Variants in CDK11A observed in about 807,000 individuals in gnomAD.
CDK11A encodes cyclin dependent kinase 11A, also known as cyclin-dependent kinase 11A.
Under a neutral mutation model 83.6 loss-of-function variants are expected in CDK11A, and 55 were observed. The ratio of observed to expected loss-of-function variants is 0.66; its 90% CI spans 0.53 to 0.82. CDK11A has a LOEUF of 0.82. CDK11A is among the 40% of genes least tolerant of loss of function. CDK11A has a pLI of 0.00. For missense variants in CDK11A, 564 were observed against 810.1 expected, an observed-to-expected ratio of 0.70 and a Z score of 3.69; for synonymous variants, 247 against 302.7, an observed-to-expected ratio of 0.82 and a Z score of 1.91.
At position 1,721,503 on chromosome 1, in the gene CDK11A, C is replaced by T. The variant is rs1471650085; in HGVS notation, c.227+93G>A. 9 of 1,422,912 alleles carry T rather than the reference C, an allele frequency of 6.3e-6. 1 individual carries two copies. Among genetic ancestry groups the T allele is most frequent in the African/African-American group, 1.4e-5 (1 of 71,240 alleles). The allele number at this position is 1,422,912 out of a possible 1,614,324, so 88.1% of individuals were successfully genotyped here. A position where few individuals can be genotyped will look rare whatever the true frequency, so the allele number is the denominator to read the frequency against. ...AGGAAAGAGTAAACCTTAATAGTTA[C>T]AATAGCACACAGTTGTCACAGTGAC... is the stretch of plus-strand genomic sequence containing the variant. On this transcript the variant is annotated intron_variant, in intron 3 of 19. Coordinates refer to ENST00000404249, the MANE Select transcript of CDK11A (RefSeq NM_024011.4).
chr1:1,720,826 G>T (rs111797652), intron 3 of CDK11A, among the ~76,000 whole-genome samples: 2 of 151,142 alleles, frequency 1.3e-5, no homozygotes, highest in Non-Finnish European at 3.0e-5. Context: ...TGAGTAGCTG[G>T]GACTACAGGT....
At chr1:1,706,517 C>T (rs1570382081) in intron 11 of CDK11A, among the ~76,000 whole-genome samples, 1 of 151,454 alleles carries the variant, frequency 6.6e-6, no homozygotes, top group Admixed American at 6.6e-5. Context: ...CCACTCCACT[C>T]CAGCCTGGAT....
At chr1:1,704,404 T>G (rs1570371836) in intron 14 of CDK11A, 60 bp from the exon 15 acceptor site, 1 of 1,594,502 alleles carries the variant, frequency 6.3e-7, no homozygotes, top group East Asian at 2.3e-5. Flanking sequence ...GCACTCAGGG[T>G]GGCCCGCTCG....
At position 1,707,487 on chromosome 1, in the gene CDK11A, G is replaced by A. The variant is rs534390289; in HGVS notation, c.1167C>T (p.Gly389=). 55 of 1,606,126 alleles carry A rather than the reference G, an allele frequency of 3.4e-5. 2 individuals carry two copies. The highest frequency in any genetic ancestry group is 1.3e-4 in the South Asian group (12 of 90,484). The change falls in exon 11 of 20, where the codon GGC becomes GGT. Residue 389 remains glycine, a synonymous_variant. Coordinates refer to ENST00000404249, the MANE Select transcript of CDK11A (RefSeq NM_024011.4). ...GTPQSSALTE[G]DYVPDSPALL... ...GGGCAGGGGAGTCGGGCACATAGTCGCCCTCTGTCAGGGCGCTGCTCTGCG... is the reference window on the plus strand; with the variant it reads ...GGGCAGGGGAGTCGGGCACATAGTCACCCTCTGTCAGGGCGCTGCTCTGCG...
chr1:1,706,739 C>T (rs1244409345), intron 11 of CDK11A, among the ~76,000 whole-genome samples: 4 of 151,106 alleles, frequency 2.6e-5, no homozygotes, highest in African/African-American at 4.9e-5. Flanking sequence ...GCCTGTGGCC[C>T]GACGCCTACG....
chr1:1,704,209 G>A lies in CDK11A; in HGVS notation c.1686+14C>T, dbSNP rs777822719. On this transcript the variant is annotated intron_variant, in intron 15 of 19. Coordinates refer to ENST00000404249, the MANE Select transcript of CDK11A (RefSeq NM_024011.4). ...CGGGTCACCCTGGGATGGGCCACTC[G>A]GAGGGGGGCTCACCTTGAGGATGCC... 16 of 1,608,224 alleles carry A rather than the reference G, an allele frequency of 9.9e-6. No homozygotes were observed. Among genetic ancestry groups the A allele is most frequent in the Middle Eastern group, 3.8e-4 (2 of 5,302 alleles).
Position 1,706,619 on chromosome 1 carries a change from T to G in CDK11A, c.1245+790A>C, listed in dbSNP as rs182285179. ...TCCCCTGCTTGTACCAGGATGACACTGAGGACGGGCCCTACCTGCCAGGCG... is the reference window on the plus strand; with the variant it reads ...TCCCCTGCTTGTACCAGGATGACACGGAGGACGGGCCCTACCTGCCAGGCG... On this transcript the variant is annotated intron_variant, in intron 11 of 19. Coordinates refer to ENST00000404249, the MANE Select transcript of CDK11A (RefSeq NM_024011.4). Among the ~76,000 whole-genome samples, 4 of 151,442 alleles carry G rather than the reference T, an allele frequency of 2.6e-5. No individual in the cohort carries two copies. In the East Asian group the frequency reaches 7.8e-4, roughly 29 times the overall value.
rs540041173 is a variant in CDK11A, at chr1:1,720,680, A to T, written c.227+916T>A. 3.8e-4 allele frequency among the ~76,000 whole-genome samples: 52 copies of T among 136,162 alleles called. 3 individuals are homozygous for T. Among genetic ancestry groups the T allele is most frequent in the Non-Finnish European group, 7.6e-4 (47 of 61,450 alleles). 89.3% of individuals were successfully genotyped at this position (136,162 alleles called of 152,430 possible). A position where few individuals can be genotyped will look rare whatever the true frequency, so the allele number is the denominator to read the frequency against. On this transcript the variant is annotated intron_variant, in intron 3 of 19. Transcript: ENST00000404249. Reference sequence around the variant, plus strand: ...CCAAAGTGCTGGGATTACAGGCATGAGCCATCGCACCCGGACTTATTATTT... The same window carrying T: ...CCAAAGTGCTGGGATTACAGGCATGTGCCATCGCACCCGGACTTATTATTT...
At chr1:1,715,313 T>A (rs1644595320) in intron 5 of CDK11A, among the ~76,000 whole-genome samples, 1 of 129,182 alleles carries the variant, frequency 7.7e-6, no homozygotes, top group Non-Finnish European at 1.7e-5. Context: ...CTGATCTGAA[T>A]CGGCCCTACC....
Position 1,704,164 on chromosome 1 carries a change from CGGCTGTGGG to C in CDK11A, c.1687-27_1687-19del. On this transcript the variant is annotated intron_variant, in intron 15 of 19. Coordinates refer to ENST00000404249, the MANE Select transcript of CDK11A (RefSeq NM_024011.4). Reference sequence around the variant, plus strand: ...TCACCCACCTGCAACGACAGATGGGCGGCTGTGGGTGGGCCTGGGCGGGTCACCCTGGGA... The same window carrying C: ...TCACCCACCTGCAACGACAGATGGGCTGGGCCTGGGCGGGTCACCCTGGGA... The C allele has an allele frequency of 6.2e-7, 1 of 1,606,714 alleles. No individual in the cohort carries two copies.
chr1:1,722,577 TTTGGGCTCA>T, intron 2 of CDK11A, 122 bp downstream of exon 2: 1 of 307,976 alleles, frequency 3.2e-6, no homozygotes, highest in Non-Finnish European at 6.6e-6. Flanking sequence ...TAGAATACAT[TTTGGGCTCA>T]CCTGCGACAT....
chr1:1,721,771 A>G (rs1216627483), intron 2 of CDK11A, 60 bp from the exon 3 acceptor site: 1 of 1,443,696 alleles, frequency 6.9e-7, no homozygotes, highest in Admixed American at 2.1e-5. Context: ...TTCATAGATA[A>G]AAGTATTTTT....
chr1:1,721,087 G>A (rs1200289669), intron 3 of CDK11A, among the ~76,000 whole-genome samples: 1 of 150,914 alleles, frequency 6.6e-6, no homozygotes, highest in Non-Finnish European at 1.5e-5. Context: ...GTGTTAGCCA[G>A]GAGGCTGAGG....
chr1:1,717,037 T>G lies in CDK11A; in HGVS notation c.356-559A>C, dbSNP rs181217633. The stretch of plus-strand genomic sequence containing the variant: ...TCCCAAAGTGCTGGGATTACAGGCC[T>G]GGGCCACTGCACCCAGTCGAATAAT... On this transcript the variant is annotated intron_variant, in intron 4 of 19. Coordinates refer to ENST00000404249, the MANE Select transcript of CDK11A (RefSeq NM_024011.4). Among the ~76,000 whole-genome samples, 1,054 of 142,912 alleles carry G rather than the reference T, an allele frequency of 7.4e-3. 43 individuals carry two copies. The highest frequency in any genetic ancestry group is 0.024 in the African/African-American group (948 of 39,432). The allele number at this position is 142,912 out of a possible 152,430, so 93.8% of individuals were successfully genotyped here.
At chr1:1,703,711 A>C in intron 17 of CDK11A, 87 bp from the exon 18 acceptor site, 1 of 1,537,648 alleles carries the variant, frequency 6.5e-7, no homozygotes. Flanking sequence ...AGCCACCAGG[A>C]GGGCTCTCAG....
Position 1,719,390 on chromosome 1 carries a change from T to C in CDK11A, c.293A>G (p.His98Arg). Residue 98 changes from histidine (H) to arginine (R), a missense_variant, in exon 4 of 20, where the codon CAT becomes CGT. This residue lies in a region of CDK11A where 151 missense variants were observed against 147.4 expected (regional missense o/e 1.02). Transcript: ENST00000404249. ...PQQMSRKEKVHHRKDEKRKEK... is the reference protein window; with the variant it reads ...PQQMSRKEKVRHRKDEKRKEK... ...TTTTCTCTTTTCATCTTTTCTGTGATGAACTTTTTCTTTCCGAGACATTTG... is the reference window on the plus strand; with the variant it reads ...TTTTCTCTTTTCATCTTTTCTGTGACGAACTTTTTCTTTCCGAGACATTTG... The C allele has an allele frequency of 6.5e-7, 1 of 1,538,930 alleles. No homozygotes were observed. Among genetic ancestry groups the C allele is most frequent in the East Asian group, 2.4e-5 (1 of 41,114 alleles).
rs1159946395 is a variant in CDK11A at position 1,703,160 on chromosome 1, G to A, written c.2170C>T (p.Pro724Ser). ...ACACGCTGCTGCTCGCTCTTGGCGG[G>A]CCACGTGGGGAACATGGAGGGGTCG... The part of the protein sequence containing the change: ...PIDPSMFPTW[P>S]AKSEQQRVKR... Residue 724 changes from proline (P) to serine (S), a missense_variant, in exon 19 of 20, where the codon CCC (proline) becomes TCC (serine). By Grantham distance (74) the Pro-to-Ser change is moderately conservative. Coordinates refer to ENST00000404249, the MANE Select transcript of CDK11A (RefSeq NM_024011.4). 2.2e-5 allele frequency: 9 copies of A among 412,994 alleles called. 1 individual carries two copies. Among genetic ancestry groups the A allele is most frequent in the Admixed American group, 5.7e-5 (1 of 17,698 alleles). The allele number at this position is 412,994 out of a possible 1,614,324, so 25.6% of individuals were successfully genotyped here.
At position 1,707,498 on chromosome 1, in the gene CDK11A, G is replaced by C; in HGVS notation, c.1156C>G (p.Leu386Val). 1 of 1,605,586 alleles carries C rather than the reference G, an allele frequency of 6.2e-7. No individual in the cohort carries two copies. Among genetic ancestry groups the C allele is most frequent in the Non-Finnish European group, 8.5e-7 (1 of 1,175,238 alleles). ...VGEGTPQSSALTEGDYVPDSP... is the reference protein window; with the variant it reads ...VGEGTPQSSAVTEGDYVPDSP... The stretch of plus-strand genomic sequence containing the variant: ...TCGGGCACATAGTCGCCCTCTGTCA[G>C]GGCGCTGCTCTGCGGCGTTCCCTCA... Residue 386 changes from leucine (L) to valine (V), a missense_variant, in exon 11 of 20, where the codon CTG (leucine) becomes GTG (valine). Transcript: ENST00000404249.
chr1:1,704,474 C>A (rs1174447137), intron 14 of CDK11A, 76 bp downstream of exon 14: 1 of 1,552,404 alleles, frequency 6.4e-7, no homozygotes, highest in East Asian at 2.4e-5. Context: ...GCCCTCCCTG[C>A]AGCACTGTCA....
Sources: allele counts gnomAD v4.1 joint callset (sites outside exome capture counted in the v4.1 genomes callset), GRCh38; gene constraint gnomAD v4.1.1; regional missense constraint gnomAD v4.1.1; transcripts MANE v1.5; gene names NCBI Gene and HGNC (gene_info 2026-07-23, HGNC 2026-07-21).